KCNN2: variants seen among roughly 807,000 people sequenced by gnomAD.
KCNN2 encodes small conductance calcium-activated potassium channel protein 2.
KCNN2 carries 24 observed loss-of-function variants against 55.5 expected under a neutral mutation model. The observed-to-expected ratio is 0.43, with a 90% CI of 0.31 to 0.61. KCNN2 has a LOEUF of 0.61. Ranked by LOEUF, KCNN2 falls within the 20% of genes least tolerant of loss-of-function variation. The pLI is 0.08. For synonymous variants in KCNN2, 431 were observed against 336.1 expected, an observed-to-expected ratio of 1.28 and a Z score of -3.09; for missense variants, 754 against 853.6, an observed-to-expected ratio of 0.88 and a Z score of 1.45.
intron 1 of KCNN2, among the ~76,000 whole-genome samples, chr5:114,167,536 T>C (rs571879587): frequency 4.6e-5 from 7 of 152,080 alleles, no homozygotes; most frequent in Non-Finnish European, 1.0e-4. Flanking sequence ...TTTAGAAGAG[T>C]AGTTTATCCT....
chr5:114,249,877 T>G (rs1379430387), intron 2 of KCNN2, among the ~76,000 whole-genome samples: 1 of 152,142 alleles, frequency 6.6e-6, no homozygotes, highest in East Asian at 1.9e-4. Flanking sequence ...AGGATAAATA[T>G]GCTGAAATTT....
At chr5:114,216,037 G>T (rs1753993627) in intron 1 of KCNN2, among the ~76,000 whole-genome samples, 1 of 152,062 alleles carries the variant, frequency 6.6e-6, no homozygotes, top group South Asian at 2.1e-4. Context: ...TTGTGTAAAA[G>T]AATGTTAGCT....
chr5:114,383,141 G>A (rs998810448), intron 2 of KCNN2, among the ~76,000 whole-genome samples: 3 of 152,118 alleles, frequency 2.0e-5, no homozygotes, highest in African/African-American at 4.8e-5. Context: ...TTTAGTAGAA[G>A]AACTGTTTAG....
At chr5:114,062,424 G>A (rs867717400) in intron 1 of KCNN2, among the ~76,000 whole-genome samples, 1 of 152,158 alleles carries the variant, frequency 6.6e-6, no homozygotes, top group Admixed American at 6.5e-5. Context: ...ATTGTCTTAT[G>A]TAGGAGAAAA....
chr5:114,411,906 G>A (rs1759147556), intron 3 of KCNN2, among the ~76,000 whole-genome samples: 2 of 151,964 alleles, frequency 1.3e-5, no homozygotes, highest in Admixed American at 1.3e-4. Context: ...CATCACATAT[G>A]GTATATTGTG....
chr5:114,399,930 G>GTTTTTTTTTTTTTTTTTTTTTTT (rs35266559), intron 2 of KCNN2, among the ~76,000 whole-genome samples: 1 of 129,866 alleles, frequency 7.7e-6, no homozygotes, highest in African/African-American at 2.8e-5. Flanking sequence ...TTTTTTTTTT[G>GTTTTTTTTTTTTTTTTTTTTTTT]TTTTTTTTTT....
chr5:114,276,819 C>T (rs1180633370), intron 2 of KCNN2, among the ~76,000 whole-genome samples: 4 of 152,014 alleles, frequency 2.6e-5, no homozygotes, highest in Non-Finnish European at 4.4e-5. Context: ...TTGATTGGGA[C>T]ATTTAGTCCA....
At chr5:114,326,893 T>C (rs1422184355) in intron 2 of KCNN2, among the ~76,000 whole-genome samples, 1 of 152,156 alleles carries the variant, frequency 6.6e-6, no homozygotes, top group Non-Finnish European at 1.5e-5. Context: ...TATTCTGACT[T>C]GGAATAGAGA....
intron 1 of KCNN2, among the ~76,000 whole-genome samples, chr5:114,078,592 G>A (rs1462066722): frequency 1.3e-5 from 2 of 152,166 alleles, no homozygotes; most frequent in Non-Finnish European, 2.9e-5. Context: ...CAGTTCCTAT[G>A]GGGGTGGGAT....
At chr5:114,421,978 T>G (rs1314778132) in intron 3 of KCNN2, among the ~76,000 whole-genome samples, 2 of 152,218 alleles carry the variant, frequency 1.3e-5, no homozygotes, top group African/African-American at 4.8e-5. Flanking sequence ...ATTAATCTTT[T>G]TGGTCTTTTT....
At chr5:114,202,544 A>G (rs1753692408) in intron 1 of KCNN2, among the ~76,000 whole-genome samples, 1 of 146,446 alleles carries the variant, frequency 6.8e-6, no homozygotes. Context: ...CCTAGTATAT[A>G]CATGCCTAAT....
intron 1 of KCNN2, among the ~76,000 whole-genome samples, chr5:114,139,258 T>C (rs943341236): frequency 6.6e-6 from 1 of 152,130 alleles, no homozygotes; most frequent in African/African-American, 2.4e-5. Flanking sequence ...CTTGATAATT[T>C]TGTGGTGTTG....
chr5:114,305,876 G>A (rs1756259872), intron 2 of KCNN2, among the ~76,000 whole-genome samples: 2 of 152,240 alleles, frequency 1.3e-5, no homozygotes, highest in South Asian at 2.1e-4. Context: ...AGGTTTATAG[G>A]TCTAAAAGGG....
chr5:114,324,276 T>G (rs1200833475), intron 2 of KCNN2, among the ~76,000 whole-genome samples: 1 of 152,210 alleles, frequency 6.6e-6, no homozygotes, highest in African/African-American at 2.4e-5. Context: ...GTATGTTACT[T>G]TATATGAAAT....
In KCNN2 at chr5:114,409,282, C is replaced by T. The variant is rs533922902; in HGVS notation, c.1637+4426C>T. 3.4e-4 allele frequency among the ~76,000 whole-genome samples: 52 copies of T among 152,256 alleles called. 1 individual carries two copies. In the South Asian group the frequency reaches 0.01, roughly 30 times the overall value. On this transcript the variant is annotated intron_variant, in intron 3 of 7. Coordinates refer to ENST00000673685, the MANE Select transcript of KCNN2 (RefSeq NM_021614.4). ...TCCACATTTGGTTTTTATTAAACTTCCCATTTTGCTGCACAAATTCTCCAG... is the reference window on the plus strand; with the variant it reads ...TCCACATTTGGTTTTTATTAAACTTTCCATTTTGCTGCACAAATTCTCCAG...
At chr5:114,434,199 G>A (rs970155402) in intron 3 of KCNN2, among the ~76,000 whole-genome samples, 1 of 150,788 alleles carries the variant, frequency 6.6e-6, no homozygotes, top group African/African-American at 2.4e-5. Flanking sequence ...CTGTTTGGGA[G>A]GTTTCTATTG....
intron 1 of KCNN2, among the ~76,000 whole-genome samples, chr5:114,159,398 G>A (rs571401742): frequency 1.4e-4 from 22 of 152,126 alleles, no homozygotes; most frequent in Admixed American, 2.6e-4. Flanking sequence ...TGCTGGATTC[G>A]GTTTGGCAGT....
At chr5:114,432,147 A>G (rs1360563488) in intron 3 of KCNN2, among the ~76,000 whole-genome samples, 1 of 152,236 alleles carries the variant, frequency 6.6e-6, no homozygotes, top group Admixed American at 6.5e-5. Context: ...TGTTGGATCT[A>G]TGAATTACTA....
intron 1 of KCNN2, among the ~76,000 whole-genome samples, chr5:114,133,835 A>T (rs1380299094): frequency 6.6e-6 from 1 of 152,208 alleles, no homozygotes; most frequent in Non-Finnish European, 1.5e-5. Context: ...AAGGAGTCCG[A>T]TGGTATTTTA....
Sources: gnomAD v4.1 joint callset for allele counts (sites outside exome capture counted in the v4.1 genomes callset) on GRCh38, gnomAD v4.1.1 for gene constraint, MANE v1.5 for transcripts, NCBI Gene and HGNC (gene_info 2026-07-23, HGNC 2026-07-21) for gene names.